The following ABCB1 variants were observed in gnomAD, a reference collection of about 807,000 sequenced individuals.
The protein encoded by ABCB1 is ATP binding cassette subfamily B member 1.
Under a neutral mutation model 142.0 loss-of-function variants are expected in ABCB1, and 69 were observed. The observed-to-expected ratio is 0.49, with a 90% CI of 0.40 to 0.59. The LOEUF is 0.59. Ranked by LOEUF, ABCB1 falls within the 20% of genes least tolerant of loss-of-function variation. The probability of loss-of-function intolerance (pLI) is 0.00; values close to 1 mark genes in which losing one functional copy is unlikely to be tolerated. For synonymous variants in ABCB1, 532 were observed against 539.2 expected (o/e 0.99, Z 0.18); for missense variants, 1,326 against 1,554.7 (o/e 0.85, Z 2.47).
intron 1 of ABCB1, among the ~76,000 whole-genome samples, chr7:87,632,928 T>C (rs1821373678): frequency 6.6e-6 from 1 of 152,224 alleles, no homozygotes; most frequent in Non-Finnish European, 1.5e-5. Context: ...ATAATTTTCC[T>C]GTTTTGTAGC....
At chr7:87,655,831 T>A (rs1824045758) in intron 1 of ABCB1, among the ~76,000 whole-genome samples, 1 of 151,630 alleles carries the variant, frequency 6.6e-6, no homozygotes, top group South Asian at 2.1e-4. Context: ...TTTTGGGAGG[T>A]GTTCTTAGCT....
chr7:87,657,892 GC>G (rs966940172), intron 1 of ABCB1, among the ~76,000 whole-genome samples: 1 of 152,032 alleles, frequency 6.6e-6, no homozygotes, highest in African/African-American at 2.4e-5. Context: ...ATGAAGCAAT[GC>G]CCCCCTCCCA....
At chr7:87,524,209 A>T (rs768901182) in intron 21 of ABCB1, among the ~76,000 whole-genome samples, 5 of 152,160 alleles carry the variant, frequency 3.3e-5, no homozygotes, top group Non-Finnish European at 7.3e-5. Flanking sequence ...CTTATTTAAA[A>T]ATAAAATTTA....
intron 1 of ABCB1, among the ~76,000 whole-genome samples, chr7:87,645,981 A>T (rs1318339684): frequency 6.6e-6 from 1 of 152,196 alleles, no homozygotes; most frequent in East Asian, 1.9e-4. Context: ...TATAATAGAA[A>T]TTTTTGTAAT....
At chr7:87,614,268 G>A (rs1563075169) in intron 1 of ABCB1, among the ~76,000 whole-genome samples, 1 of 152,072 alleles carries the variant, frequency 6.6e-6, no homozygotes, top group Non-Finnish European at 1.5e-5. Context: ...GTGGTGGCAT[G>A]CACCTGTATT....
At chr7:87,694,663 G>A (rs927430211) in intron 1 of ABCB1, among the ~76,000 whole-genome samples, 1 of 152,044 alleles carries the variant, frequency 6.6e-6, no homozygotes, top group Non-Finnish European at 1.5e-5. Flanking sequence ...TCAGGAGTAC[G>A]CATTTATGTG....
chr7:87,601,301 G>A (rs34762047), upstream of ABCB1, among the ~76,000 whole-genome samples: 193 of 152,250 alleles, frequency 1.3e-3, 1 homozygote, highest in Non-Finnish European at 2.0e-3. Context: ...CTTTGAAAAG[G>A]CTAGGAGAAA....
intron 1 of ABCB1, among the ~76,000 whole-genome samples, chr7:87,664,927 A>G (rs376306051): frequency 1.1e-4 from 17 of 152,134 alleles, no homozygotes; most frequent in East Asian, 9.6e-4. Flanking sequence ...AATTCTCAAC[A>G]ATTAAAGTAC....
Position 87,566,064 on chromosome 7 carries a change from A to T in ABCB1, c.702+6T>A. The T allele has an allele frequency of 1.2e-6, 2 of 1,614,174 alleles. No homozygotes were observed. The highest frequency in any genetic ancestry group is 1.7e-6 in the Non-Finnish European group (2 of 1,180,014). ...TTCAAAATCTGGATTCACAGGCTTC[A>T]CCTACCTTTGCCCAGACAGCAGCTG... is the stretch of plus-strand genomic sequence containing the variant. On this transcript the variant is annotated splice_donor_region_variant and intron_variant, in intron 7 of 27. Coordinates refer to ENST00000622132, the MANE Select transcript of ABCB1 (RefSeq NM_001348946.2).
chr7:87,648,208 AAG>A (rs1179975529), intron 1 of ABCB1, among the ~76,000 whole-genome samples: 1 of 151,844 alleles, frequency 6.6e-6, no homozygotes, highest in Non-Finnish European at 1.5e-5. Flanking sequence ...AAAAGAAAGA[AAG>A]AAATGGAAAA....
intron 1 of ABCB1, among the ~76,000 whole-genome samples, chr7:87,638,042 CTTA>C (rs965979814): frequency 2.6e-5 from 4 of 151,870 alleles, no homozygotes; most frequent in African/African-American, 9.7e-5. Flanking sequence ...TAAATGGATG[CTTA>C]TTATTGTATT....
chr7:87,530,919 A>G (rs1563037515), intron 21 of ABCB1, among the ~76,000 whole-genome samples: 2 of 151,974 alleles, frequency 1.3e-5, no homozygotes, highest in Admixed American at 6.6e-5. Flanking sequence ...GAAGGAAAAA[A>G]GGAAAGAAAA....
intron 1 of ABCB1, among the ~76,000 whole-genome samples, chr7:87,646,551 A>G (rs1439028743): frequency 6.6e-6 from 1 of 152,156 alleles, no homozygotes; most frequent in African/African-American, 2.4e-5. Context: ...GTGTGGATGC[A>G]GAGTTAGCTT....
intron 7 of ABCB1, among the ~76,000 whole-genome samples, chr7:87,562,058 T>G (rs1281006482): frequency 6.6e-6 from 1 of 152,212 alleles, no homozygotes; most frequent in Non-Finnish European, 1.5e-5. Flanking sequence ...TTATATTCTT[T>G]CAATAAAAAA....
chr7:87,590,966 C>A (rs1035766502), intron 3 of ABCB1, among the ~76,000 whole-genome samples: 3 of 152,296 alleles, frequency 2.0e-5, no homozygotes, highest in East Asian at 1.9e-4. Context: ...ATTCTCCCCC[C>A]ACAGCCTGTC....
At chr7:87,709,254 T>G (rs1829862360) in intron 1 of ABCB1, 2 of 985,276 alleles carry the variant, frequency 2.0e-6, no homozygotes, top group Admixed American at 6.1e-5. Context: ...TCTCCTGTGC[T>G]GAATTGTCTC....
At chr7:87,672,110 C>T (rs1486576191) in intron 1 of ABCB1, among the ~76,000 whole-genome samples, 4 of 151,982 alleles carry the variant, frequency 2.6e-5, no homozygotes, top group Non-Finnish European at 4.4e-5. Context: ...GCAGAGATGG[C>T]GACCTGCCTC....
intron 7 of ABCB1, chr7:87,565,617 C>G (rs1273746982): frequency 2.9e-6 from 1 of 340,702 alleles, no homozygotes; most frequent in Non-Finnish European, 5.8e-6. Context: ...AAACAAAAAT[C>G]TAGAAAGCCA....
intron 1 of ABCB1, among the ~76,000 whole-genome samples, chr7:87,701,788 A>G (rs1046088310): frequency 1.3e-5 from 2 of 152,196 alleles, no homozygotes; most frequent in Non-Finnish European, 2.9e-5. Flanking sequence ...TTACAGATGG[A>G]ATGCAGAAGC....
Sources: allele counts gnomAD v4.1 joint callset (sites outside exome capture counted in the v4.1 genomes callset), GRCh38; gene constraint gnomAD v4.1.1; transcripts MANE v1.5; gene names NCBI Gene and HGNC (gene_info 2026-07-23, HGNC 2026-07-21).